SLC12A3: variants seen among roughly 807,000 people sequenced by gnomAD.
SLC12A3 encodes solute carrier family 12 member 3, also known as Na-Cl cotransporter.
A neutral mutation model predicts 121.0 loss-of-function variants in SLC12A3; 104 were observed. That is an observed-to-expected ratio of 0.86 (90% confidence interval 0.73 to 1.01). SLC12A3 has a LOEUF of 1.01. Ranked by LOEUF, SLC12A3 falls within the 50% of genes least tolerant of loss-of-function variation. The pLI is 0.00. For synonymous variants in SLC12A3, 536 were observed against 533.4 expected (o/e 1.00, Z -0.07); for missense variants, 1,328 against 1,356.3 (o/e 0.98, Z 0.33).
chr16:56,886,820 T>C (rs1361081785), intron 16 of SLC12A3, 133 bp from the exon 17 acceptor site: 12 of 1,227,798 alleles, frequency 9.8e-6, no homozygotes, highest in East Asian at 2.5e-5. Flanking sequence ...TGTTTTCCCT[T>C]ATCTGGGCAA....
intron 22 of SLC12A3, among the ~76,000 whole-genome samples, chr16:56,898,584 G>A (rs2055496684): frequency 6.6e-6 from 1 of 152,000 alleles, no homozygotes; most frequent in South Asian, 2.1e-4. Context: ...AGGCTTCTTG[G>A]GTAATGTTAG....
At chr16:56,879,309 T>G in intron 10 of SLC12A3, 82 bp downstream of exon 10, 1 of 1,568,862 alleles carries the variant, frequency 6.4e-7, no homozygotes, top group Non-Finnish European at 8.7e-7. Context: ...TGGAAGTTTG[T>G]TGGGGGGACA....
chr16:56,910,255 C>A (rs529560139), intron 25 of SLC12A3, among the ~76,000 whole-genome samples: 263 of 151,210 alleles, frequency 1.7e-3, no homozygotes, highest in African/African-American at 6.2e-3. Flanking sequence ...CTCACGGCAA[C>A]CTCTTTGTTT....
chr16:56,903,131 A>G (rs1175091871), intron 24 of SLC12A3, among the ~76,000 whole-genome samples: 2 of 151,162 alleles, frequency 1.3e-5, no homozygotes, highest in African/African-American at 4.9e-5. Flanking sequence ...CCTGGGTGAC[A>G]GAGTGAGACT....
At chr16:56,897,212 G>C (rs1206020611) in intron 22 of SLC12A3, among the ~76,000 whole-genome samples, 1 of 152,218 alleles carries the variant, frequency 6.6e-6, no homozygotes, top group Non-Finnish European at 1.5e-5. Flanking sequence ...GAATTGGGCA[G>C]CTGCTGCTTT....
rs1341678997 is a variant in SLC12A3, at chr16:56,880,332, TCTC to T, written c.1567+82_1567+84del. 35 of 1,496,784 alleles carry T rather than the reference TCTC, an allele frequency of 2.3e-5. 1 individual carries two copies. Among genetic ancestry groups the T allele is most frequent in the Non-Finnish European group, 3.1e-5 (34 of 1,111,594 alleles). 92.7% of individuals were successfully genotyped at this position (1,496,784 alleles called of 1,614,324 possible). ...ATGAGGGTCTTGGGGGCCGGGCTCTTCTCCTGTCTCCTCATCTCCCCGCCGGGC... is the reference window on the plus strand; with the variant it reads ...ATGAGGGTCTTGGGGGCCGGGCTCTTCTGTCTCCTCATCTCCCCGCCGGGC... On this transcript the variant is annotated intron_variant, in intron 12 of 25. Transcript: ENST00000563236.
chr16:56,885,189 T>C, intron 14 of SLC12A3, 76 bp from the exon 15 acceptor site: 1 of 939,786 alleles, frequency 1.1e-6, no homozygotes, highest in Non-Finnish European at 1.7e-6. Flanking sequence ...ACATTACCTC[T>C]GTCCCTCCAC....
rs56844793 is a variant in SLC12A3 at position 56,893,971 on chromosome 16, TTTTATTTATTTATTTATTTATTTATTTA to T, written c.2522-537_2522-510del. 3.4e-5 allele frequency among the ~76,000 whole-genome samples: 4 copies of T among 116,918 alleles called. No individual in the cohort carries two copies. The South Asian group carries it at 8.6e-4, about 25-fold the overall frequency. 76.7% of individuals were successfully genotyped at this position (116,918 alleles called of 152,430 possible). On this transcript the variant is annotated intron_variant, in intron 21 of 25. Coordinates refer to ENST00000563236, the MANE Select transcript of SLC12A3 (RefSeq NM_001126108.2). Reference sequence around the variant, plus strand: ...TTTTGTATTTTTATTTTTATTTTTATTTTATTTATTTATTTATTTATTTATTTATTTATTTATTTATTTATTTATTGAG... The same window carrying T: ...TTTTGTATTTTTATTTTTATTTTTATTTTATTTATTTATTTATTTATTGAG...
chr16:56,902,336 C>T lies in SLC12A3; in HGVS notation c.2721-37C>T, dbSNP rs769040109. ...CTGGCACCCCTAGAAATGGGGTTATCGTCTCAGCCGGCCTCAACCCACTTT... is the reference window on the plus strand; with the variant it reads ...CTGGCACCCCTAGAAATGGGGTTATTGTCTCAGCCGGCCTCAACCCACTTT... On this transcript the variant is annotated intron_variant, in intron 23 of 25. Transcript: ENST00000563236. 3.2e-5 allele frequency: 52 copies of T among 1,613,618 alleles called. 1 individual carries two copies. Among genetic ancestry groups the T allele is most frequent in the South Asian group, 2.5e-4 (23 of 91,040 alleles).
chr16:56,871,540 A>G (rs2055097709), intron 6 of SLC12A3, among the ~76,000 whole-genome samples: 1 of 152,060 alleles, frequency 6.6e-6, no homozygotes, highest in African/African-American at 2.4e-5. Context: ...CAGCTGTCAG[A>G]GGGTGTCCTC....
chr16:56,887,116 CT>C (rs779437118), intron 17 of SLC12A3, 23 bp downstream of exon 17: 2 of 1,613,708 alleles, frequency 1.2e-6, no homozygotes, highest in African/African-American at 1.3e-5. Context: ...GGGGGCTCCC[CT>C]ACAGGACTTA....
chr16:56,882,580 G>T, intron 13 of SLC12A3, 83 bp downstream of exon 13: 2 of 1,057,924 alleles, frequency 1.9e-6, no homozygotes, highest in East Asian at 2.4e-5. Flanking sequence ...TGGGAGGCAT[G>T]GGTGGAGGTT....
chr16:56,872,496 G>C, intron 7 of SLC12A3, 34 bp downstream of exon 7: 1 of 1,591,524 alleles, frequency 6.3e-7, no homozygotes, highest in Non-Finnish European at 8.6e-7. Flanking sequence ...CCATGGCTCT[G>C]GGGACAGGGA....
chr16:56,877,581 G>A (rs1368466622), intron 8 of SLC12A3, among the ~76,000 whole-genome samples: 1 of 152,062 alleles, frequency 6.6e-6, no homozygotes, highest in Non-Finnish European at 1.5e-5. Flanking sequence ...GGGGAGTCCT[G>A]GTCTAGGATG....
chr16:56,890,416 G>T (rs1260101269), intron 19 of SLC12A3, 60 bp downstream of exon 19: 1 of 1,391,428 alleles, frequency 7.2e-7, no homozygotes, highest in Non-Finnish European at 1.0e-6. Flanking sequence ...GTTTTTAAAT[G>T]GCAGAGGGAA....
rs1358113264 is a variant in SLC12A3, at chr16:56,879,137, C to T, written c.1245C>T (p.Ala415=). 2 of 1,613,760 alleles carry T rather than the reference C, an allele frequency of 1.2e-6. No homozygotes were observed. Among genetic ancestry groups the T allele is most frequent in the Non-Finnish European group, 1.7e-6 (2 of 1,179,990 alleles). ...LNDTVTPGWG[A]CEGLACSYGW... The stretch of plus-strand genomic sequence containing the variant: ...ACACAGTGACCCCTGGCTGGGGTGC[C>T]TGCGAGGGGCTGGCCTGCAGCTATG... Residue 415 remains alanine (A), a synonymous_variant, in exon 10 of 26, where the codon GCC becomes GCT. Transcript: ENST00000563236.
In SLC12A3 at chr16:56,879,092, T is replaced by C. The variant is rs766020006; in HGVS notation, c.1200T>C (p.Asp400=). 10 of 1,612,316 alleles carry C rather than the reference T, an allele frequency of 6.2e-6. No individual in the cohort carries two copies. The highest frequency in any genetic ancestry group is 8.5e-6 in the Non-Finnish European group (10 of 1,179,560). The change falls in exon 10 of 26, where the codon GAT becomes GAC. Residue 400 remains aspartate (D), a synonymous_variant. Coordinates refer to ENST00000563236, the MANE Select transcript of SLC12A3 (RefSeq NM_001126108.2). ...TCTCAGGCTCCTGCGTGGTGCGTGA[T>C]GCCTCTGGGGTCCTGAATGACACAG... is the stretch of plus-strand genomic sequence containing the variant. ...SATIGSCVVR[D]ASGVLNDTVT...
At chr16:56,901,536 C>T (rs1384178533) in intron 23 of SLC12A3, among the ~76,000 whole-genome samples, 2 of 152,116 alleles carry the variant, frequency 1.3e-5, no homozygotes, top group Non-Finnish European at 2.9e-5. Context: ...GACAGCATTT[C>T]GTCAGGTTGG....
intron 17 of SLC12A3, 124 bp from the exon 18 acceptor site, chr16:56,887,794 ATATATTT>A (rs1286615119): frequency 1.3e-3 from 138 of 102,662 alleles, no homozygotes; most frequent in African/African-American, 4.5e-3. Flanking sequence ...ATATATATAT[ATATATTT>A]TTTTTTTTTT....
Sources: allele counts gnomAD v4.1 joint callset (sites outside exome capture counted in the v4.1 genomes callset), GRCh38; gene constraint gnomAD v4.1.1; transcripts MANE v1.5; gene names NCBI Gene and HGNC (gene_info 2026-07-23, HGNC 2026-07-21).